GPC6: variants seen among roughly 807,000 people sequenced by gnomAD.
GPC6 encodes glypican-6.
Under a neutral mutation model 55.2 loss-of-function variants are expected in GPC6, and 14 were observed. The ratio of observed to expected loss-of-function variants is 0.25; its 90% CI spans 0.17 to 0.40. The LOEUF (loss-of-function observed/expected upper bound fraction) is 0.40. Ranked by LOEUF, GPC6 falls within the 10% of genes least tolerant of loss-of-function variation. The pLI is 1.00. For synonymous variants in GPC6, 278 were observed against 259.6 expected (o/e 1.07, Z -0.68); for missense variants, 641 against 708.5 (o/e 0.90, Z 1.08).
At chr13:93,509,738 G>A (rs1880874868) in intron 1 of GPC6, among the ~76,000 whole-genome samples, 1 of 152,204 alleles carries the variant, frequency 6.6e-6, no homozygotes, top group Non-Finnish European at 1.5e-5. Context: ...AACAGCAAAA[G>A]TAGTAAAAGA....
chr13:93,909,934 C>A (rs1876875207), intron 3 of GPC6, among the ~76,000 whole-genome samples: 1 of 152,084 alleles, frequency 6.6e-6, no homozygotes, highest in South Asian at 2.1e-4. Flanking sequence ...ATTCCTCCAC[C>A]TCCCCGCTCC....
At chr13:94,255,871 A>G (rs1891487584) in intron 4 of GPC6, among the ~76,000 whole-genome samples, 2 of 152,154 alleles carry the variant, frequency 1.3e-5, no homozygotes, top group Non-Finnish European at 1.5e-5. Flanking sequence ...AAAGAAGGGG[A>G]GGAAGGTGTG....
intron 2 of GPC6, among the ~76,000 whole-genome samples, chr13:93,791,496 A>G (rs1886033549): frequency 6.6e-6 from 1 of 152,226 alleles, no homozygotes; most frequent in Admixed American, 6.5e-5. Flanking sequence ...TCAAAAGGAA[A>G]CAAGGTTTAT....
chr13:94,006,501 G>A (rs924218382), intron 3 of GPC6, among the ~76,000 whole-genome samples: 2 of 152,182 alleles, frequency 1.3e-5, no homozygotes, highest in Non-Finnish European at 2.9e-5. Context: ...GTCATAGCCT[G>A]TACTTTGTAT....
intron 1 of GPC6, among the ~76,000 whole-genome samples, chr13:93,379,943 G>A (rs1227261013): frequency 7.7e-6 from 1 of 129,082 alleles, no homozygotes; most frequent in African/African-American, 2.8e-5. Flanking sequence ...TAGTTGAACA[G>A]CTTAAATTCT....
At chr13:93,955,301 A>T (rs1275951292) in intron 3 of GPC6, among the ~76,000 whole-genome samples, 1 of 148,384 alleles carries the variant, frequency 6.7e-6, no homozygotes, top group Non-Finnish European at 1.5e-5. Flanking sequence ...GCCAAACACA[A>T]ATTTGTTAAT....
chr13:93,867,655 C>T (rs577925176), intron 3 of GPC6, among the ~76,000 whole-genome samples: 4 of 151,666 alleles, frequency 2.6e-5, no homozygotes, highest in Non-Finnish European at 5.9e-5. Flanking sequence ...CAGCCTTGAC[C>T]GCTGACATCA....
chr13:93,826,817 C>G (rs1887274603), intron 2 of GPC6, among the ~76,000 whole-genome samples: 1 of 152,072 alleles, frequency 6.6e-6, no homozygotes, highest in Admixed American at 6.6e-5. Context: ...TGGTTTCTGC[C>G]CCTTAAGAGG....
Position 94,201,335 on chromosome 13 carries a change from C to T in GPC6, c.878-85014C>T, listed in dbSNP as rs571300893. On this transcript the variant is annotated intron_variant, in intron 4 of 8. Transcript: ENST00000377047. ...GCGCTGCGGGAGGAGACAGAGCCAGCGCTCTTGTGATGTCAATAACGAAAA... is the reference window on the plus strand; with the variant it reads ...GCGCTGCGGGAGGAGACAGAGCCAGTGCTCTTGTGATGTCAATAACGAAAA... Among the ~76,000 whole-genome samples the T allele has an allele frequency of 1.3e-4, 20 of 152,182 alleles. 1 individual carries two copies. The South Asian group carries it at 3.9e-3, about 30-fold the overall frequency.
At chr13:94,359,978 A>G (rs1306672181) in intron 6 of GPC6, among the ~76,000 whole-genome samples, 1 of 152,188 alleles carries the variant, frequency 6.6e-6, no homozygotes, top group African/African-American at 2.4e-5. Context: ...ATTTCATAAG[A>G]GAAATAGTCT....
chr13:93,640,854 A>C (rs1435023322), intron 2 of GPC6, among the ~76,000 whole-genome samples: 4 of 88,268 alleles, frequency 4.5e-5, no homozygotes, highest in Admixed American at 1.4e-4. Context: ...CTTCCTTCCT[A>C]CCTTCTCCCC....
At chr13:93,302,693 C>T (rs1801335499) in intron 1 of GPC6, among the ~76,000 whole-genome samples, 1 of 152,100 alleles carries the variant, frequency 6.6e-6, no homozygotes, top group South Asian at 2.1e-4. Context: ...GTAGGTAGAA[C>T]ACCTGTAGCA....
At chr13:93,691,138 C>A (rs1882241755) in intron 2 of GPC6, among the ~76,000 whole-genome samples, 1 of 152,094 alleles carries the variant, frequency 6.6e-6, no homozygotes, top group Non-Finnish European at 1.5e-5. Flanking sequence ...CACAAATATC[C>A]TTTTCTTTCA....
chr13:93,343,112 A>G (rs1323983), intron 1 of GPC6, among the ~76,000 whole-genome samples: 4,105 of 152,172 alleles, frequency 0.027, 182 homozygotes, highest in African/African-American at 0.095. Flanking sequence ...AGTAATGGGA[A>G]ATAATGACAA....
chr13:94,030,572 T>G (rs1883086079), intron 4 of GPC6, among the ~76,000 whole-genome samples: 1 of 152,130 alleles, frequency 6.6e-6, no homozygotes, highest in Non-Finnish European at 1.5e-5. Flanking sequence ...GCAGCAAAGA[T>G]CAGTGAGCAA....
intron 1 of GPC6, among the ~76,000 whole-genome samples, chr13:93,288,890 G>A (rs1194466083): frequency 1.3e-5 from 2 of 152,246 alleles, no homozygotes; most frequent in Non-Finnish European, 1.5e-5. Context: ...ATGAGTAAAT[G>A]TAAATCTTCA....
chr13:93,505,984 G>A (rs1007585279), intron 1 of GPC6, among the ~76,000 whole-genome samples: 1 of 152,182 alleles, frequency 6.6e-6, no homozygotes, highest in Non-Finnish European at 1.5e-5. Flanking sequence ...GGCTATGTGC[G>A]TTTTTCTACT....
At chr13:94,123,557 A>G (rs1346157266) in intron 4 of GPC6, among the ~76,000 whole-genome samples, 1 of 152,106 alleles carries the variant, frequency 6.6e-6, no homozygotes, top group African/African-American at 2.4e-5. Context: ...TTACTAAGAT[A>G]TGATGGTATA....
intron 2 of GPC6, among the ~76,000 whole-genome samples, chr13:93,697,338 T>C (rs1882496270): frequency 6.6e-6 from 1 of 152,166 alleles, no homozygotes. Context: ...GATGAAAGTT[T>C]CCTCTCTCAG....
Sources: gnomAD v4.1 joint callset for allele counts (sites outside exome capture counted in the v4.1 genomes callset) on GRCh38, gnomAD v4.1.1 for gene constraint, MANE v1.5 for transcripts, NCBI Gene and HGNC (gene_info 2026-07-23, HGNC 2026-07-21) for gene names.